The following DGKB variants were observed in gnomAD, a reference collection of about 807,000 sequenced individuals.
The protein encoded by DGKB is diacylglycerol kinase beta, also known as 90 kDa diacylglycerol kinase.
In DGKB, 67 loss-of-function variants were observed where a neutral mutation model predicts 114.3. The ratio of observed to expected loss-of-function variants is 0.59; its 90% CI spans 0.48 to 0.72. DGKB has a LOEUF of 0.72. Among genes scored for constraint, DGKB ranks in the 30% least tolerant of loss-of-function variants. The pLI, the probability that DGKB is intolerant of heterozygous loss-of-function variation, is 0.00. For synonymous variants in DGKB, 398 were observed against 323.1 expected (o/e 1.23, Z -2.49); for missense variants, 907 against 975.2 (o/e 0.93, Z 0.93).
intron 21 of DGKB, among the ~76,000 whole-genome samples, chr7:14,392,989 G>GTTTTTTTTTTTTTTT (rs776845811): frequency 6.9e-4 from 7 of 10,186 alleles, no homozygotes; most frequent in African/African-American, 1.6e-3. Context: ...CCTGTTTTTT[G>GTTTTTTTTTTTTTTT]TTTTTGTTTT....
At chr7:14,750,793 C>CTTTTTTTTTTTTTTTTTTTTT (rs1016534410) in intron 4 of DGKB, among the ~76,000 whole-genome samples, 2 of 89,564 alleles carry the variant, frequency 2.2e-5, no homozygotes, top group African/African-American at 5.1e-5. Context: ...ATTTCTATTT[C>CTTTTTTTTTTTTTTTTTTTTT]TTTTTTTTTT....
intron 25 of DGKB, among the ~76,000 whole-genome samples, chr7:14,156,832 A>C (rs1028630282): frequency 6.6e-6 from 1 of 152,178 alleles, no homozygotes; most frequent in Non-Finnish European, 1.5e-5. Flanking sequence ...CCATTCAGAA[A>C]TCATTCTGTG....
intron 21 of DGKB, among the ~76,000 whole-genome samples, chr7:14,422,817 G>C (rs941348898): frequency 6.6e-6 from 1 of 151,882 alleles, no homozygotes; most frequent in Non-Finnish European, 1.5e-5. Flanking sequence ...GTAGTAATAA[G>C]AAATAACAAC....
At chr7:14,360,100 T>A (rs1267520283) in intron 21 of DGKB, among the ~76,000 whole-genome samples, 1 of 152,160 alleles carries the variant, frequency 6.6e-6, no homozygotes, top group Non-Finnish European at 1.5e-5. Context: ...TAAGAAAATG[T>A]GGCACATATA....
chr7:14,357,778 G>A (rs1814868300), intron 21 of DGKB, among the ~76,000 whole-genome samples: 1 of 152,162 alleles, frequency 6.6e-6, no homozygotes, highest in Non-Finnish European at 1.5e-5. Flanking sequence ...AGGAACTCTT[G>A]TAAGGCAGGC....
intron 13 of DGKB, among the ~76,000 whole-genome samples, chr7:14,661,179 G>T (rs1034966642): frequency 6.6e-5 from 10 of 151,744 alleles, no homozygotes; most frequent in African/African-American, 1.9e-4. Context: ...AAAAGCAATG[G>T]CAACAAAAGC....
chr7:14,582,980 A>G, intron 18 of DGKB, 72 bp downstream of exon 18: 1 of 956,964 alleles, frequency 1.0e-6, no homozygotes, highest in Non-Finnish European at 1.7e-6. Flanking sequence ...TACAAGCAAT[A>G]GACACATAGA....
At chr7:14,515,180 C>A (rs1788590068) in intron 20 of DGKB, among the ~76,000 whole-genome samples, 1 of 152,020 alleles carries the variant, frequency 6.6e-6, no homozygotes, top group East Asian at 1.9e-4. Context: ...TAACAAATAT[C>A]AAAATCAAAT....
chr7:14,901,605 A>AACCCCCCCCC (rs1562855781), intron 1 of DGKB, among the ~76,000 whole-genome samples: 2 of 123,180 alleles, frequency 1.6e-5, no homozygotes, highest in African/African-American at 3.0e-5. Context: ...AGGGATTTCC[A>AACCCCCCCCC]CCCCCCCCCA....
chr7:14,853,894 TTTATCATAAAA>T (rs1562724804), intron 1 of DGKB, among the ~76,000 whole-genome samples: 2 of 140,296 alleles, frequency 1.4e-5, no homozygotes, highest in African/African-American at 5.8e-5. Context: ...AAAAAAAAAA[TTTATCATAAAA>T]TGGTAATTGG....
chr7:14,180,893 G>T (rs1782541331), intron 23 of DGKB, among the ~76,000 whole-genome samples: 1 of 152,104 alleles, frequency 6.6e-6, no homozygotes, highest in Non-Finnish European at 1.5e-5. Context: ...TTCTCCTTGG[G>T]ATGGCCTAAC....
chr7:14,230,737 A>G (rs1262971445), intron 23 of DGKB, among the ~76,000 whole-genome samples: 2 of 152,006 alleles, frequency 1.3e-5, no homozygotes, highest in East Asian at 3.9e-4. Context: ...CTCCTTGTTT[A>G]CTTTGCTCAT....
intron 21 of DGKB, among the ~76,000 whole-genome samples, chr7:14,447,541 A>G: frequency 6.6e-6 from 1 of 152,106 alleles, no homozygotes; most frequent in East Asian, 1.9e-4. Context: ...GAAGATATTT[A>G]TTTTTAAGTT....
At chr7:14,283,711 A>C (rs866062391) in intron 23 of DGKB, among the ~76,000 whole-genome samples, 1 of 152,156 alleles carries the variant, frequency 6.6e-6, no homozygotes, top group Non-Finnish European at 1.5e-5. Context: ...ATAACGCTGC[A>C]TATCTACAAC....
intron 25 of DGKB, among the ~76,000 whole-genome samples, chr7:14,170,004 C>T (rs550628119): frequency 1.1e-4 from 17 of 151,558 alleles, no homozygotes; most frequent in South Asian, 2.1e-4. Flanking sequence ...TGTGGTGGCA[C>T]ATGCCTGTAA....
chr7:14,697,776 GAGAA>G (rs1227326439), intron 8 of DGKB, among the ~76,000 whole-genome samples: 32 of 100,810 alleles, frequency 3.2e-4, no homozygotes, highest in Admixed American at 1.0e-3. Flanking sequence ...AAGAAACAAA[GAGAA>G]AGAAAGAAAG....
At chr7:14,800,452 G>C (rs1232698312) in intron 2 of DGKB, among the ~76,000 whole-genome samples, 2 of 152,182 alleles carry the variant, frequency 1.3e-5, no homozygotes, top group African/African-American at 4.8e-5. Context: ...GGCAGAAAAG[G>C]AGAGACTGGC....
intron 2 of DGKB, among the ~76,000 whole-genome samples, chr7:14,839,096 G>A (rs1180504632): frequency 6.6e-6 from 1 of 151,812 alleles, no homozygotes; most frequent in Non-Finnish European, 1.5e-5. Context: ...ACAATATTCT[G>A]GCTAGACATA....
chr7:14,648,400 G>T (rs1436042323), intron 13 of DGKB, among the ~76,000 whole-genome samples: 1 of 151,944 alleles, frequency 6.6e-6, no homozygotes, highest in Non-Finnish European at 1.5e-5. Flanking sequence ...CACCTCACAG[G>T]GCAGGGTACT....
Sources: gnomAD v4.1 joint callset for allele counts (sites outside exome capture counted in the v4.1 genomes callset) on GRCh38, gnomAD v4.1.1 for gene constraint, MANE v1.5 for transcripts, NCBI Gene and HGNC (gene_info 2026-07-23, HGNC 2026-07-21) for gene names.